The following CDH13 variants were observed in gnomAD, a reference collection of about 807,000 sequenced individuals.
CDH13 encodes cadherin-13.
A neutral mutation model predicts 63.8 loss-of-function variants in CDH13; 24 were observed. That is an observed-to-expected ratio of 0.38 (90% confidence interval 0.27 to 0.53). The LOEUF is 0.53. CDH13 is among the 20% of genes least tolerant of loss of function. CDH13 has a pLI of 0.85. For synonymous variants in CDH13, 503 were observed against 355.3 expected, an observed-to-expected ratio of 1.42 and a Z score of -4.67; for missense variants, 1,049 against 903.1, an observed-to-expected ratio of 1.16 and a Z score of -2.07.
intron 6 of CDH13, among the ~76,000 whole-genome samples, chr16:83,349,096 G>C (rs1009034935): frequency 6.6e-6 from 1 of 152,168 alleles, no homozygotes; most frequent in African/African-American, 2.4e-5. Flanking sequence ...ACTGAACTCC[G>C]GGGTATTGTT....
chr16:83,064,074 A>G (rs2031803631), intron 3 of CDH13, among the ~76,000 whole-genome samples: 1 of 152,180 alleles, frequency 6.6e-6, no homozygotes, highest in African/African-American at 2.4e-5. Context: ...ATTTATCAAT[A>G]TAAAGTTAGA....
chr16:83,665,176 A>C (rs1440331187), intron 8 of CDH13, among the ~76,000 whole-genome samples: 1 of 152,200 alleles, frequency 6.6e-6, no homozygotes, highest in Non-Finnish European at 1.5e-5. Flanking sequence ...ATAACTGAAA[A>C]AAAAAAGCTT....
chr16:83,331,714 A>G (rs565777982), intron 5 of CDH13, among the ~76,000 whole-genome samples: 2 of 152,302 alleles, frequency 1.3e-5, no homozygotes, highest in East Asian at 3.9e-4. Flanking sequence ...AAATTGCATT[A>G]TGTATACACT....
At chr16:83,151,365 C>T (rs922808520) in intron 4 of CDH13, among the ~76,000 whole-genome samples, 2 of 152,226 alleles carry the variant, frequency 1.3e-5, no homozygotes, top group African/African-American at 2.4e-5. Context: ...TCTGTCTTCT[C>T]TGTGCCCCTC....
rs187576436 is a variant in CDH13 at position 82,644,554 on chromosome 16, C to T, written c.45+17417C>T. On this transcript the variant is annotated intron_variant, in intron 1 of 13. Coordinates refer to ENST00000567109, the MANE Select transcript of CDH13 (RefSeq NM_001257.5). This position sits in a 1 kb window ranked among gnomAD's most constrained non-coding sequence, Gnocchi z 5.7. The stretch of plus-strand genomic sequence containing the variant: ...TGGTCCCCAGACCAGGCCCAGTGCA[C>T]GAGTTTGGGTGCTGGAAGGGGAGGC... Among the ~76,000 whole-genome samples, 43 of 152,260 alleles carry T rather than the reference C, an allele frequency of 2.8e-4. No individual in the cohort carries two copies. The highest frequency in any genetic ancestry group is 3.4e-3 in the Middle Eastern group (1 of 294).
chr16:83,185,064 C>G (rs113216744), intron 4 of CDH13, among the ~76,000 whole-genome samples: 1,896 of 152,058 alleles, frequency 0.012, 30 homozygotes, highest in African/African-American at 0.042. Flanking sequence ...TCCCACCAAC[C>G]TGGTAAGGCC....
intron 6 of CDH13, among the ~76,000 whole-genome samples, chr16:83,359,819 C>G (rs1297522189): frequency 6.6e-6 from 1 of 152,160 alleles, no homozygotes; most frequent in Non-Finnish European, 1.5e-5. Flanking sequence ...TTTACCAATT[C>G]ATCCATACAA....
chr16:83,216,857 A>C (rs1254311958), intron 4 of CDH13, among the ~76,000 whole-genome samples: 2 of 151,714 alleles, frequency 1.3e-5, no homozygotes, highest in South Asian at 2.1e-4. Flanking sequence ...CTGATGAGAC[A>C]AAGTGCTTCC....
chr16:83,318,169 C>T (rs1208430985), intron 5 of CDH13, among the ~76,000 whole-genome samples: 1 of 152,182 alleles, frequency 6.6e-6, no homozygotes, highest in Non-Finnish European at 1.5e-5. Flanking sequence ...TAAGCTTAAG[C>T]TGCTGCTGCT....
chr16:83,205,791 G>C (rs1048294712), intron 4 of CDH13, among the ~76,000 whole-genome samples: 1 of 151,974 alleles, frequency 6.6e-6, no homozygotes, highest in Admixed American at 6.6e-5. Context: ...TTTTACTAGA[G>C]ACGGGGTTTC....
chr16:83,292,514 G>T (rs2151867036), intron 5 of CDH13, among the ~76,000 whole-genome samples: 1 of 152,212 alleles, frequency 6.6e-6, no homozygotes, highest in Non-Finnish European at 1.5e-5. Flanking sequence ...GCGACAAAAA[G>T]TGTAGAGCCA....
intron 2 of CDH13, among the ~76,000 whole-genome samples, chr16:82,929,873 A>T (rs184105490): frequency 5.3e-5 from 8 of 151,982 alleles, no homozygotes; most frequent in African/African-American, 1.9e-4. Context: ...AGGAGTAGTC[A>T]TAACAAATCT....
intron 6 of CDH13, among the ~76,000 whole-genome samples, chr16:83,421,075 G>T (rs1464642282): frequency 6.6e-6 from 1 of 152,136 alleles, no homozygotes. Context: ...AAGTGGATAA[G>T]ATTAATAAGG....
At chr16:82,998,748 C>T (rs1359832753) in intron 2 of CDH13, among the ~76,000 whole-genome samples, 2 of 152,072 alleles carry the variant, frequency 1.3e-5, no homozygotes, top group African/African-American at 2.4e-5. Flanking sequence ...ATAACATATA[C>T]ATATAAGCAA....
intron 3 of CDH13, among the ~76,000 whole-genome samples, chr16:83,054,424 C>G (rs2030711189): frequency 1.3e-5 from 2 of 152,178 alleles, no homozygotes; most frequent in Non-Finnish European, 2.9e-5. Context: ...GCACTGATAT[C>G]TCAGCAGTTG....
At chr16:83,741,233 T>C (rs1215867384) in intron 10 of CDH13, among the ~76,000 whole-genome samples, 2 of 152,200 alleles carry the variant, frequency 1.3e-5, no homozygotes, top group East Asian at 3.8e-4. Flanking sequence ...TATTTTAAGA[T>C]AGTGTATTTC....
intron 7 of CDH13, among the ~76,000 whole-genome samples, chr16:83,570,622 C>G (rs762557465): frequency 8.6e-5 from 13 of 151,156 alleles, no homozygotes; most frequent in Non-Finnish European, 1.3e-4. Context: ...AGCTCAACAG[C>G]AGGAGACAAA....
chr16:83,105,746 A>G (rs1218988600), intron 3 of CDH13, among the ~76,000 whole-genome samples: 1 of 152,216 alleles, frequency 6.6e-6, no homozygotes, highest in Non-Finnish European at 1.5e-5. Context: ...CCAAATCATC[A>G]TCTAACCTGT....
At chr16:83,415,656 C>T (rs1364297211) in intron 6 of CDH13, among the ~76,000 whole-genome samples, 1 of 152,112 alleles carries the variant, frequency 6.6e-6, no homozygotes, top group African/African-American at 2.4e-5. Context: ...AAAATAAAAA[C>T]CACATGATTG....
Sources: gnomAD v4.1 joint callset for allele counts (sites outside exome capture counted in the v4.1 genomes callset) on GRCh38, gnomAD v4.1.1 for gene constraint, Gnocchi (gnomAD v3.1) non-coding constraint, MANE v1.5 for transcripts, NCBI Gene and HGNC (gene_info 2026-07-23, HGNC 2026-07-21) for gene names.